Variants in SLC15A5 observed in about 807,000 individuals in gnomAD.
SLC15A5 encodes the protein solute carrier family 15 member 5.
In SLC15A5, 58 loss-of-function variants were observed where a neutral mutation model predicts 56.1. The ratio of observed to expected loss-of-function variants is 1.03; its 90% confidence interval spans 0.84 to 1.29. SLC15A5 has a LOEUF of 1.29. SLC15A5 is among the 50% of genes most tolerant of loss of function. The pLI is 0.00. For synonymous variants in SLC15A5, 264 were observed against 250.5 expected (o/e 1.05, Z -0.51); for missense variants, 681 against 672.1 (o/e 1.01, Z -0.15).
chr12:16,245,142 A>C (rs1163785487), intron 3 of SLC15A5, among the ~76,000 whole-genome samples: 2 of 152,170 alleles, frequency 1.3e-5, no homozygotes, highest in Non-Finnish European at 2.9e-5. Flanking sequence ...AATACAATAA[A>C]CTGAACTTTC....
intron 7 of SLC15A5, among the ~76,000 whole-genome samples, chr12:16,215,469 A>G (rs1261777259): frequency 2.0e-5 from 3 of 152,220 alleles, no homozygotes; most frequent in African/African-American, 7.2e-5. Flanking sequence ...CATGTTCAAC[A>G]CTGAAAATGT....
intron 5 of SLC15A5, among the ~76,000 whole-genome samples, chr12:16,236,721 G>A (rs1864355392): frequency 6.6e-6 from 1 of 152,088 alleles, no homozygotes; most frequent in African/African-American, 2.4e-5. Flanking sequence ...GTCCCTGGAA[G>A]GAGAATACGA....
intron 3 of SLC15A5, among the ~76,000 whole-genome samples, chr12:16,248,962 T>C (rs1344834681): frequency 6.6e-6 from 1 of 152,134 alleles, no homozygotes; most frequent in Non-Finnish European, 1.5e-5. Flanking sequence ...AACTTAAAGA[T>C]TGTAGTTATT....
intron 2 of SLC15A5, among the ~76,000 whole-genome samples, chr12:16,258,605 A>G (rs1864602360): frequency 6.6e-6 from 1 of 152,210 alleles, no homozygotes; most frequent in Non-Finnish European, 1.5e-5. Flanking sequence ...ATTTACATAT[A>G]TAACTTATAT....
At chr12:16,190,698 A>G (rs1182299756) in intron 8 of SLC15A5, among the ~76,000 whole-genome samples, 2 of 152,114 alleles carry the variant, frequency 1.3e-5, no homozygotes, top group Non-Finnish European at 2.9e-5. Flanking sequence ...GAAGGTTTCA[A>G]AAGTTAATTT....
At chr12:16,222,486 C>G (rs1864197940) in intron 6 of SLC15A5, among the ~76,000 whole-genome samples, 1 of 152,126 alleles carries the variant, frequency 6.6e-6, no homozygotes, top group African/African-American at 2.4e-5. Flanking sequence ...ACAATTATTT[C>G]TATTTTAAAT....
At chr12:16,193,780 GGAGAGA>G (rs766458422) in intron 8 of SLC15A5, among the ~76,000 whole-genome samples, 767 of 75,724 alleles carry the variant, frequency 0.01, 90 homozygotes, top group South Asian at 0.048. Flanking sequence ...TATGTCAAGG[GGAGAGA>G]GAGAGAGAGA....
At chr12:16,211,598 G>GA (rs1425307454) in intron 7 of SLC15A5, among the ~76,000 whole-genome samples, 2 of 152,104 alleles carry the variant, frequency 1.3e-5, no homozygotes, top group Non-Finnish European at 2.9e-5. Context: ...CTATTTTTAT[G>GA]AAAAGGTTTA....
At chr12:16,264,508 C>T (rs1017733157) in intron 2 of SLC15A5, among the ~76,000 whole-genome samples, 1 of 152,028 alleles carries the variant, frequency 6.6e-6, no homozygotes, top group African/African-American at 2.4e-5. Flanking sequence ...TGAGTTGATA[C>T]TTTGGGGGAC....
intron 7 of SLC15A5, among the ~76,000 whole-genome samples, chr12:16,211,108 C>A (rs1472416180): frequency 2.0e-5 from 3 of 152,144 alleles, no homozygotes; most frequent in Non-Finnish European, 4.4e-5. Context: ...CCCTCTGAAT[C>A]TGAAAATCTC....
At chr12:16,217,963 A>G (rs1864146400) in intron 6 of SLC15A5, among the ~76,000 whole-genome samples, 1 of 152,190 alleles carries the variant, frequency 6.6e-6, no homozygotes, top group African/African-American at 2.4e-5. Flanking sequence ...AAATAGATGA[A>G]AATAAGTATA....
intron 3 of SLC15A5, among the ~76,000 whole-genome samples, chr12:16,247,122 A>G (rs1172437493): frequency 6.6e-6 from 1 of 152,198 alleles, no homozygotes; most frequent in Non-Finnish European, 1.5e-5. Flanking sequence ...ACTGGCAACA[A>G]ACAGTTCAGA....
intron 5 of SLC15A5, among the ~76,000 whole-genome samples, chr12:16,228,388 G>C (rs1253748160): frequency 6.6e-6 from 1 of 152,196 alleles, no homozygotes; most frequent in African/African-American, 2.4e-5. Flanking sequence ...TCATGTGTAA[G>C]AAAAGGTTTC....
In SLC15A5 at chr12:16,243,837, G is replaced by A. The variant is rs762869668; in HGVS notation, c.975+743C>T. 2.0e-4 allele frequency among the ~76,000 whole-genome samples: 30 copies of A among 152,134 alleles called. No individual in the cohort carries two copies. The highest frequency in any genetic ancestry group is 4.0e-4 in the Non-Finnish European group (27 of 68,014). On this transcript the variant is annotated intron_variant, in intron 4 of 8. Coordinates refer to ENST00000344941, the MANE Select transcript of SLC15A5 (RefSeq NM_001170798.1). This position sits in a 1 kb window ranked among gnomAD's most constrained non-coding sequence, Gnocchi z 4.4. Reference sequence around the variant, plus strand: ...TTTATGAAGTTAATCTCTAAATTTTGTTGCAGCTCTATTATTCTATGATTT... The same window carrying A: ...TTTATGAAGTTAATCTCTAAATTTTATTGCAGCTCTATTATTCTATGATTT...
chr12:16,241,873 G>A (rs986636590), intron 4 of SLC15A5, among the ~76,000 whole-genome samples: 1 of 152,134 alleles, frequency 6.6e-6, no homozygotes, highest in Non-Finnish European at 1.5e-5. Flanking sequence ...CTTTAGTGAA[G>A]CAATATTAAT....
At chr12:16,265,095 C>T (rs1864680933) in intron 2 of SLC15A5, among the ~76,000 whole-genome samples, 1 of 152,108 alleles carries the variant, frequency 6.6e-6, no homozygotes, top group Non-Finnish European at 1.5e-5. Flanking sequence ...GAGCAGGGGT[C>T]TCATATGATC....
chr12:16,260,083 C>A (rs1008450398), intron 2 of SLC15A5, among the ~76,000 whole-genome samples: 2 of 152,104 alleles, frequency 1.3e-5, no homozygotes, highest in East Asian at 3.9e-4. Context: ...CAGGAATATG[C>A]AGGGGAGGCA....
chr12:16,245,706 G>A (rs1864454892), intron 3 of SLC15A5, among the ~76,000 whole-genome samples: 1 of 152,116 alleles, frequency 6.6e-6, no homozygotes, highest in African/African-American at 2.4e-5. Flanking sequence ...CTGTTGCCAG[G>A]TAAATGGCAT....
chr12:16,224,366 G>A (rs375661615), intron 6 of SLC15A5, 48 bp downstream of exon 6: 20 of 1,509,652 alleles, frequency 1.3e-5, no homozygotes, highest in African/African-American at 8.3e-5. Flanking sequence ...TGTGTTCTGT[G>A]TAAAGGTTCA....
Sources: gnomAD v4.1 joint callset for allele counts (sites outside exome capture counted in the v4.1 genomes callset) on GRCh38, gnomAD v4.1.1 for gene constraint, Gnocchi (gnomAD v3.1) non-coding constraint, MANE v1.5 for transcripts, NCBI Gene and HGNC (gene_info 2026-07-23, HGNC 2026-07-21) for gene names.